The following BACE2 variants were observed in gnomAD, a reference collection of about 807,000 sequenced individuals.
The protein encoded by BACE2 is 56 kDa aspartic-like protease.
In BACE2, 17 loss-of-function variants were observed where a neutral mutation model predicts 46.2. That is an observed-to-expected ratio of 0.37 (90% CI 0.25 to 0.55). The LOEUF (loss-of-function observed/expected upper bound fraction) is 0.55, where lower values mean the gene tolerates loss of function less well. Ranked by LOEUF, BACE2 falls within the 20% of genes least tolerant of loss-of-function variation. The pLI is 0.82. For synonymous variants in BACE2, 277 were observed against 295.9 expected (o/e 0.94, Z 0.66); for missense variants, 595 against 698.1 (o/e 0.85, Z 1.66).
chr21:41,267,354 G>A (rs1461579156), intron 8 of BACE2, among the ~76,000 whole-genome samples: 2 of 152,152 alleles, frequency 1.3e-5, no homozygotes, highest in African/African-American at 4.8e-5. Flanking sequence ...CCTCTGTGTT[G>A]CTGGGCCAAG....
intron 3 of BACE2, among the ~76,000 whole-genome samples, chr21:41,240,888 G>A (rs958517272): frequency 5.9e-5 from 9 of 152,198 alleles, no homozygotes; most frequent in Non-Finnish European, 1.0e-4. Flanking sequence ...CACAGTTTTA[G>A]TTCTCACGGA....
Position 41,281,295 on chromosome 21 carries a change from A to C in BACE2, c.*5671A>C, listed in dbSNP as rs955438973. ...TATAATTAGAAATGACAGATTTATA[A>C]TATAGACTTCAGTAAGTTGGGCACA... On this transcript the variant is annotated 3_prime_UTR_variant, in exon 9 of 9. Coordinates refer to ENST00000330333, the MANE Select transcript of BACE2 (RefSeq NM_012105.5). 1.3e-5 allele frequency: 2 copies of C among 152,248 alleles called. No homozygotes were observed. The highest frequency in any genetic ancestry group is 4.8e-5 in the African/African-American group (2 of 41,464). The allele number at this position is 152,248 out of a possible 1,614,324, so 9.4% of individuals were successfully genotyped here. A position where few individuals can be genotyped will look rare whatever the true frequency, so the allele number is the denominator to read the frequency against.
chr21:41,222,300 G>T (rs1025447588), intron 1 of BACE2, among the ~76,000 whole-genome samples: 1 of 152,210 alleles, frequency 6.6e-6, no homozygotes, highest in African/African-American at 2.4e-5. Flanking sequence ...GGAGGGAAAG[G>T]GATGCACAGG....
At chr21:41,271,672 G>A (rs1250704936) in intron 8 of BACE2, among the ~76,000 whole-genome samples, 1 of 151,826 alleles carries the variant, frequency 6.6e-6, no homozygotes, top group Non-Finnish European at 1.5e-5. Flanking sequence ...TTTAGTGGTT[G>A]CTTTAGAATA....
intron 1 of BACE2, among the ~76,000 whole-genome samples, chr21:41,197,688 C>T (rs1171581562): frequency 2.6e-5 from 4 of 151,968 alleles, no homozygotes; most frequent in Admixed American, 2.0e-4. Context: ...CCGTACCTTC[C>T]GGTTAGTTTG....
chr21:41,201,810 G>A (rs557574658), intron 1 of BACE2, among the ~76,000 whole-genome samples: 57 of 152,236 alleles, frequency 3.7e-4, no homozygotes, highest in Non-Finnish European at 7.2e-4. Context: ...GTTGACAGTG[G>A]AGGGAGATAA....
At chr21:41,215,892 G>GGTGT (rs143517319) in intron 1 of BACE2, among the ~76,000 whole-genome samples, 9 of 151,760 alleles carry the variant, frequency 5.9e-5, no homozygotes, top group African/African-American at 1.5e-4. Context: ...GGGCTAGGCT[G>GGTGT]GTGTGTGTGT....
rs1219723935 is a variant in BACE2, at chr21:41,257,287, G to T, written c.1264G>T (p.Ala422Ser). ...GGGCTTCTACGTCATCTTCGACAGA[G>T]CCCAGAAGAGGGTGGGCTTCGCAGC... is the stretch of plus-strand genomic sequence containing the variant. ...MEGFYVIFDR[A>S]QKRVGFAASP... is the part of the protein sequence containing the mutation. The change falls in exon 8 of 9, where the codon GCC becomes TCC. Residue 422 changes from alanine (A) to serine (S), a missense_variant. Coordinates refer to ENST00000330333, the MANE Select transcript of BACE2 (RefSeq NM_012105.5). The T allele has an allele frequency of 6.2e-7, 1 of 1,614,048 alleles. No individual in the cohort carries two copies.
At chr21:41,224,216 T>C in intron 1 of BACE2, among the ~76,000 whole-genome samples, 1 of 140,652 alleles carries the variant, frequency 7.1e-6, no homozygotes, top group East Asian at 2.0e-4. Flanking sequence ...TTGATTTTTT[T>C]TTTTTTTTTT....
chr21:41,267,521 A>T (rs768566851), intron 8 of BACE2, among the ~76,000 whole-genome samples: 4 of 152,234 alleles, frequency 2.6e-5, no homozygotes, highest in Non-Finnish European at 5.9e-5. Context: ...AACTTGAGGC[A>T]CATGATGGAT....
chr21:41,222,841 A>T (rs1211753730), intron 1 of BACE2, among the ~76,000 whole-genome samples: 2 of 152,068 alleles, frequency 1.3e-5, no homozygotes, highest in Non-Finnish European at 2.9e-5. Flanking sequence ...TGGTGGCTGG[A>T]TGTGGGCCAT....
chr21:41,184,483 G>A (rs74742373), intron 1 of BACE2: 21,863 of 167,048 alleles, frequency 0.13, 1,540 homozygotes, highest in African/African-American at 0.14. Flanking sequence ...GGTCTAATTA[G>A]ACATGGAAAG....
chr21:41,242,339 T>TTC (rs56942862), intron 4 of BACE2, among the ~76,000 whole-genome samples: 69,309 of 148,706 alleles, frequency 0.47, 18,851 homozygotes, highest in East Asian at 0.87. Flanking sequence ...TGTAGATCCT[T>TTC]TCTCTCTCTC....
chr21:41,271,947 C>T (rs1464576892), intron 8 of BACE2, among the ~76,000 whole-genome samples: 1 of 151,328 alleles, frequency 6.6e-6, no homozygotes, highest in Non-Finnish European at 1.5e-5. Flanking sequence ...TGTGTAGATT[C>T]AAGTTTCCTT....
At chr21:41,236,950 G>C (rs577262352) in intron 2 of BACE2, among the ~76,000 whole-genome samples, 2 of 152,196 alleles carry the variant, frequency 1.3e-5, no homozygotes, top group African/African-American at 4.8e-5. Flanking sequence ...ACACCAGTGC[G>C]TCCCTTCCAC....
In BACE2 at chr21:41,168,380, G is replaced by C; in HGVS notation, c.117G>C (p.Thr39=). The C allele has an allele frequency of 1.4e-6, 2 of 1,408,744 alleles. No individual in the cohort carries two copies. The highest frequency in any genetic ancestry group is 1.9e-6 in the Non-Finnish European group (2 of 1,078,050). The allele number at this position is 1,408,744 out of a possible 1,614,324, so 87.3% of individuals were successfully genotyped here. A position where few individuals can be genotyped will look rare whatever the true frequency, so the allele number is the denominator to read the frequency against. ...TGCCCCTCCGGGTGGCCGCGGCCAC[G>C]AACCGCGTAGTTGCGCCCACCCCGG... ...FTLPLRVAAA[T]NRVVAPTPGP... Residue 39 remains threonine, a synonymous_variant, in exon 1 of 9, where the codon ACG becomes ACC. Coordinates refer to ENST00000330333, the MANE Select transcript of BACE2 (RefSeq NM_012105.5).
chr21:41,168,609 G>C, intron 1 of BACE2, 34 bp downstream of exon 1: 1 of 1,290,192 alleles, frequency 7.8e-7, no homozygotes, highest in Non-Finnish European at 9.9e-7. Context: ...CGGGCTTTTC[G>C]GGCTCGTTGG....
intron 1 of BACE2, among the ~76,000 whole-genome samples, chr21:41,195,018 A>T (rs992863397): frequency 6.6e-6 from 1 of 152,234 alleles, no homozygotes; most frequent in Non-Finnish European, 1.5e-5. Context: ...CTTCACCATG[A>T]GAAGAGCACC....
intron 1 of BACE2, among the ~76,000 whole-genome samples, chr21:41,189,583 T>G (rs889952230): frequency 6.6e-6 from 1 of 152,246 alleles, no homozygotes; most frequent in African/African-American, 2.4e-5. Flanking sequence ...TGTTTCAGTG[T>G]GTTTGTCATG....
Sources: allele counts gnomAD v4.1 joint callset (sites outside exome capture counted in the v4.1 genomes callset), GRCh38; gene constraint gnomAD v4.1.1; transcripts MANE v1.5; gene names NCBI Gene and HGNC (gene_info 2026-07-23, HGNC 2026-07-21).